Variants in ARHGAP6 observed in about 807,000 individuals in gnomAD.
The protein encoded by ARHGAP6 is Rho GTPase activating protein 6.
A neutral mutation model predicts 55.7 loss-of-function variants in ARHGAP6; 16 were observed. The observed-to-expected ratio is 0.29, with a 90% CI of 0.19 to 0.44. The LOEUF is 0.44. Among genes scored for constraint, ARHGAP6 ranks in the 20% least tolerant of loss-of-function variants. The pLI, the probability that ARHGAP6 is intolerant of heterozygous loss-of-function variation, is 1.00. For missense variants in ARHGAP6, 698 were observed against 808.9 expected (o/e 0.86, Z 1.66); for synonymous variants, 382 against 360.9 (o/e 1.06, Z -0.66).
intron 10 of ARHGAP6, among the ~76,000 whole-genome samples, chrX:11,153,344 G>A (rs911772852): frequency 2.8e-5 from 3 of 108,799 alleles, no homozygotes; most frequent in Non-Finnish European, 5.7e-5. Context: ...GGCCAACATA[G>A]TGAAACCCCG....
chrX:11,146,256 C>T, intron 10 of ARHGAP6, among the ~76,000 whole-genome samples: 1 of 112,530 alleles, frequency 8.9e-6, no homozygotes, highest in Non-Finnish European at 1.9e-5. Flanking sequence ...GTGTAGTGTT[C>T]TCTGCTCTTC....
chrX:11,361,966 C>G (rs893257572), intron 1 of ARHGAP6, among the ~76,000 whole-genome samples: 12 of 111,961 alleles, frequency 1.1e-4, no homozygotes, highest in African/African-American at 3.9e-4. Flanking sequence ...TACCATCTCA[C>G]ACCAGTTACA....
chrX:11,472,708 G>C (rs2050360345), intron 1 of ARHGAP6, among the ~76,000 whole-genome samples: 1 of 111,719 alleles, frequency 9.0e-6, no homozygotes, highest in African/African-American at 3.3e-5. Context: ...TAGTCTAGGA[G>C]AAAGACTGTG....
At chrX:11,471,450 A>C (rs1174788448) in intron 1 of ARHGAP6, among the ~76,000 whole-genome samples, 1 of 112,312 alleles carries the variant, frequency 8.9e-6, no homozygotes. Context: ...ATAGCAAAAA[A>C]TATGTTTAAA....
chrX:11,311,109 T>C lies in ARHGAP6; in HGVS notation c.589-56402A>G, dbSNP rs1327739312. Among the ~76,000 whole-genome samples, 4 of 111,292 alleles carry C rather than the reference T, an allele frequency of 3.6e-5. No homozygotes were observed. In the East Asian group the frequency reaches 1.1e-3, roughly 31 times the overall value. ...GCACTTAAACAAAAAAATTAGGGTA[T>C]TGCCTCCAGGGGCCATTGTGCATTT... On this transcript the variant is annotated intron_variant, in intron 1 of 12. Transcript: ENST00000337414.
chrX:11,365,812 C>T (rs2049069346), intron 1 of ARHGAP6, among the ~76,000 whole-genome samples: 1 of 112,109 alleles, frequency 8.9e-6, no homozygotes, highest in African/African-American at 3.2e-5. Flanking sequence ...GTTTTTTATA[C>T]ATTAAAAAAT....
rs954821752 is a variant in ARHGAP6 at position 11,351,824 on chromosome X, G to T, written c.589-97117C>A. 4 of 113,346 alleles carry T rather than the reference G, an allele frequency of 3.5e-5. No individual in the cohort carries two copies. In the East Asian group the frequency reaches 1.1e-3, roughly 32 times the overall value. 9.3% of individuals were successfully genotyped at this position (113,346 alleles called of 1,213,427 possible). ...CTGCCAGTGAGAACATCCTTTCTGT[G>T]GGAAAATTCCTACCGAGGCCCAAAC... On this transcript the variant is annotated intron_variant, in intron 1 of 12. Transcript: ENST00000337414.
chrX:11,428,982 A>G (rs1177541486), intron 1 of ARHGAP6, among the ~76,000 whole-genome samples: 1 of 111,444 alleles, frequency 9.0e-6, no homozygotes, highest in Non-Finnish European at 1.9e-5. Flanking sequence ...ACCCCTAGAT[A>G]TACAGAGTAC....
intron 1 of ARHGAP6, among the ~76,000 whole-genome samples, chrX:11,332,934 C>T (rs1158764223): frequency 9.0e-6 from 1 of 111,600 alleles, no homozygotes; most frequent in Admixed American, 9.5e-5. Context: ...CAGCTATTTG[C>T]ACCTCCCTCT....
chrX:11,218,661 G>T (rs1370008349), intron 2 of ARHGAP6, among the ~76,000 whole-genome samples: 2 of 111,225 alleles, frequency 1.8e-5, no homozygotes, highest in Non-Finnish European at 3.8e-5. Flanking sequence ...GTCTATTCAG[G>T]GATTAGACTT....
intron 1 of ARHGAP6, among the ~76,000 whole-genome samples, chrX:11,661,634 T>C (rs1294752482): frequency 8.9e-6 from 1 of 112,484 alleles, no homozygotes; most frequent in Non-Finnish European, 1.9e-5. Context: ...TAGGATTTCA[T>C]ATGGATTCAA....
intron 1 of ARHGAP6, among the ~76,000 whole-genome samples, chrX:11,283,337 C>T (rs193030451): frequency 2.9e-4 from 32 of 112,003 alleles, no homozygotes; most frequent in Admixed American, 2.8e-3. Context: ...GCTAGTATCA[C>T]ATGGCCAAGT....
In ARHGAP6 at chrX:11,639,333, G is replaced by A. The variant is rs757342216; in HGVS notation, c.588+24908C>T. On this transcript the variant is annotated intron_variant, in intron 1 of 12. Coordinates refer to ENST00000337414, the MANE Select transcript of ARHGAP6 (RefSeq NM_013427.3). ...ACCCATCAACTTGTCATTTACATTA[G>A]GTATATCTCCTAATGCTATCCCTCC... Among the ~76,000 whole-genome samples, 259 of 110,592 alleles carry A rather than the reference G, an allele frequency of 2.3e-3. 1 individual carries two copies. The highest frequency in any genetic ancestry group is 8.2e-3 in the African/African-American group (249 of 30,437).
chrX:11,360,221 C>A (rs977986480), intron 1 of ARHGAP6, among the ~76,000 whole-genome samples: 2 of 111,841 alleles, frequency 1.8e-5, no homozygotes, highest in African/African-American at 6.5e-5. Context: ...AATTTTAGAC[C>A]AATATCCCTG....
intron 1 of ARHGAP6, among the ~76,000 whole-genome samples, chrX:11,457,639 A>G (rs757713470): frequency 8.9e-6 from 1 of 111,748 alleles, no homozygotes; most frequent in Non-Finnish European, 1.9e-5. Context: ...AGCTCCCCTA[A>G]ATTCAAACTG....
At chrX:11,614,539 C>A (rs745363505) in intron 1 of ARHGAP6, among the ~76,000 whole-genome samples, 1 of 111,811 alleles carries the variant, frequency 8.9e-6, no homozygotes, top group Non-Finnish European at 1.9e-5. Flanking sequence ...AGGGGGAAAT[C>A]TGCCCCCATG....
intron 1 of ARHGAP6, among the ~76,000 whole-genome samples, chrX:11,503,230 C>T (rs1231975853): frequency 9.0e-6 from 1 of 110,964 alleles, no homozygotes; most frequent in African/African-American, 3.3e-5. Context: ...AGGGTAGGAA[C>T]CCCTAACCCC....
chrX:11,608,416 C>A (rs1353924207), intron 1 of ARHGAP6, among the ~76,000 whole-genome samples: 1 of 111,689 alleles, frequency 9.0e-6, no homozygotes, highest in Non-Finnish European at 1.9e-5. Context: ...ACCGAAAAAT[C>A]TGTCACCACC....
chrX:11,433,907 T>A (rs1603205737), intron 1 of ARHGAP6, among the ~76,000 whole-genome samples: 1 of 112,279 alleles, frequency 8.9e-6, no homozygotes, highest in East Asian at 2.8e-4. Context: ...TTGACCCCAA[T>A]CTCTTTGCAG....
Sources: gnomAD v4.1 joint callset for allele counts (sites outside exome capture counted in the v4.1 genomes callset) on GRCh38, gnomAD v4.1.1 for gene constraint, MANE v1.5 for transcripts, NCBI Gene and HGNC (gene_info 2026-07-23, HGNC 2026-07-21) for gene names.